Variants in ZGRF1 observed in about 807,000 individuals in gnomAD.
ZGRF1 encodes the protein zinc finger GRF-type containing 1.
Under a neutral mutation model 203.5 loss-of-function variants are expected in ZGRF1, and 196 were observed. The observed-to-expected ratio is 0.96, with a 90% CI of 0.86 to 1.08. The LOEUF is 1.08. Ranked by LOEUF, ZGRF1 falls within the 50% of genes least tolerant of loss-of-function variation. ZGRF1 has a pLI of 0.00. For missense variants in ZGRF1, 2,326 were observed against 2,416.3 expected (o/e 0.96, Z 0.78); for synonymous variants, 809 against 841.3 (o/e 0.96, Z 0.66).
chr4:112,615,586 T>C (rs1195592118), intron 6 of ZGRF1, among the ~76,000 whole-genome samples: 1 of 151,768 alleles, frequency 6.6e-6, no homozygotes, highest in African/African-American at 2.4e-5. Flanking sequence ...TTATATGGTA[T>C]CACATAACTT....
At position 112,619,189 on chromosome 4, in the gene ZGRF1, C is replaced by T. The variant is rs1040019198; in HGVS notation, c.853G>A (p.Gly285Arg). ...TEHFPQKQPQ[G>R]SLKIATKPKY... ...GGTTTAGTAGCAATTTTTAAACTTC[C>T]TTGTGGTTGTTTTTGAGGAAAATGC... The change falls in exon 6 of 28, where the codon GGA (glycine) becomes AGA (arginine). Residue 285 changes from glycine (G) to arginine (R), a missense_variant. Gly to Arg is a moderately radical substitution (Grantham distance 125). Transcript: ENST00000505019. 7 of 1,613,136 alleles carry T rather than the reference C, an allele frequency of 4.3e-6. No individual in the cohort carries two copies. The Admixed American group carries it at 5.0e-5, about 12-fold the overall frequency.
At chr4:112,623,344 A>G (rs1278626160) in intron 4 of ZGRF1, among the ~76,000 whole-genome samples, 5 of 152,326 alleles carry the variant, frequency 3.3e-5, no homozygotes, top group East Asian at 3.9e-4. Flanking sequence ...TTATGGTAGA[A>G]CAACTTATAT....
At chr4:112,559,752 A>AT (rs2148886526) in intron 19 of ZGRF1, among the ~76,000 whole-genome samples, 1 of 152,294 alleles carries the variant, frequency 6.6e-6, no homozygotes, top group African/African-American at 2.4e-5. Context: ...AGATTAAGAG[A>AT]TATATAACCT....
In ZGRF1 at chr4:112,559,748, A is replaced by T. The variant is rs1741591802; in HGVS notation, c.4960+985T>A. Among the ~76,000 whole-genome samples, 2 of 152,218 alleles carry T rather than the reference A, an allele frequency of 1.3e-5. 1 individual carries two copies. Among genetic ancestry groups the T allele is most frequent in the South Asian group, 4.1e-4 (2 of 4,828 alleles). ...TTGCAGAGTAGGAAATTAAAGATTA[A>T]GAGATATATAACCTGCCCAAAATCA... is the stretch of plus-strand genomic sequence containing the variant. On this transcript the variant is annotated intron_variant, in intron 19 of 27. Coordinates refer to ENST00000505019, the MANE Select transcript of ZGRF1 (RefSeq NM_018392.5).
At chr4:112,581,291 G>C (rs933141691) in intron 16 of ZGRF1, among the ~76,000 whole-genome samples, 1 of 104,708 alleles carries the variant, frequency 9.6e-6, no homozygotes, top group Non-Finnish European at 1.8e-5. Context: ...GGTGGGGGGA[G>C]GGGGGAGGGA....
intron 16 of ZGRF1, among the ~76,000 whole-genome samples, chr4:112,576,622 A>G (rs1041260031): frequency 6.6e-6 from 1 of 152,232 alleles, no homozygotes; most frequent in African/African-American, 2.4e-5. Context: ...CGAGAACTGC[A>G]TGATAAATGC....
rs1283762817 is a variant in ZGRF1, at chr4:112,586,428, A to C, written c.3916+17T>G. ...TGAAGCAGCAATCATGATACAATAA[A>C]AACACAACAGCCATACCTATGAGGC... On this transcript the variant is annotated intron_variant, in intron 13 of 27. Coordinates refer to ENST00000505019, the MANE Select transcript of ZGRF1 (RefSeq NM_018392.5). The C allele has an allele frequency of 6.3e-7, 1 of 1,588,356 alleles. No individual in the cohort carries two copies.
Position 112,541,254 on chromosome 4 carries a change from A to T in ZGRF1, c.5613T>A (p.Ile1871=). The T allele has an allele frequency of 3.2e-6, 5 of 1,562,862 alleles. No individual in the cohort carries two copies. The highest frequency in any genetic ancestry group is 4.4e-6 in the Non-Finnish European group (5 of 1,147,264). The change falls in exon 25 of 28, where the codon ATT becomes ATA. Residue 1871 remains isoleucine (I), a synonymous_variant. Coordinates refer to ENST00000505019, the MANE Select transcript of ZGRF1 (RefSeq NM_018392.5). ...DRLCLMGHKP[I]LLRTQYRCHP... ...GACAACGGTATTGAGTTCTCAATAGAATTGGCTTGTGACCCTAAGAAATTT... is the reference window on the plus strand; with the variant it reads ...GACAACGGTATTGAGTTCTCAATAGTATTGGCTTGTGACCCTAAGAAATTT...
chr4:112,584,568 A>G (rs1170606656), intron 14 of ZGRF1, among the ~76,000 whole-genome samples: 1 of 152,208 alleles, frequency 6.6e-6, no homozygotes, highest in African/African-American at 2.4e-5. Context: ...TTTTTTTTAC[A>G]CAAAACTCAG....
At chr4:112,586,133 T>C (rs1747143099) in intron 13 of ZGRF1, among the ~76,000 whole-genome samples, 1 of 151,690 alleles carries the variant, frequency 6.6e-6, no homozygotes, top group Non-Finnish European at 1.5e-5. Flanking sequence ...TCCAGCTACT[T>C]GGGAGGCTGA....
Position 112,585,734 on chromosome 4 carries a change from A to AG in ZGRF1, c.3917-10_3917-9insC. On this transcript the variant is annotated splice_polypyrimidine_tract_variant and intron_variant, in intron 13 of 27. Coordinates refer to ENST00000505019, the MANE Select transcript of ZGRF1 (RefSeq NM_018392.5). Reference sequence around the variant, plus strand: ...CAATATATTTAGATGTTCTACAAAAAAAAAAAAAAGAGAGCAGAAAATTAA... The same window carrying AG: ...CAATATATTTAGATGTTCTACAAAAAGAAAAAAAAAGAGAGCAGAAAATTAA... 1 of 1,538,060 alleles carries AG rather than the reference A, an allele frequency of 6.5e-7. No homozygotes were observed. The highest frequency in any genetic ancestry group is 8.7e-7 in the Non-Finnish European group (1 of 1,148,554).
intron 22 of ZGRF1, among the ~76,000 whole-genome samples, chr4:112,550,830 C>T (rs1560743214): frequency 6.6e-6 from 1 of 152,066 alleles, no homozygotes; most frequent in Non-Finnish European, 1.5e-5. Context: ...CCAGCCTGGA[C>T]AGAGCAAGAT....
At chr4:112,567,561 C>A (rs1053647478) in intron 16 of ZGRF1, among the ~76,000 whole-genome samples, 1 of 152,072 alleles carries the variant, frequency 6.6e-6, no homozygotes, top group Non-Finnish European at 1.5e-5. Context: ...TGCTTGAGCC[C>A]CAGAGTTTGA....
intron 21 of ZGRF1, among the ~76,000 whole-genome samples, chr4:112,554,379 C>T (rs868207774): frequency 6.6e-5 from 10 of 151,980 alleles, no homozygotes; most frequent in African/African-American, 1.7e-4. Context: ...ATCATGCACA[C>T]GTATGTTTAT....
chr4:112,550,106 G>A (rs1739639459), intron 22 of ZGRF1, among the ~76,000 whole-genome samples: 1 of 151,924 alleles, frequency 6.6e-6, no homozygotes, highest in African/African-American at 2.4e-5. Context: ...GCAGGAGAAT[G>A]GCGTGAACCC....
In ZGRF1 at chr4:112,547,334, G is replaced by A; in HGVS notation, c.5549C>T (p.Ala1850Val). 1 of 1,613,658 alleles carries A rather than the reference G, an allele frequency of 6.2e-7. No homozygotes were observed. Among genetic ancestry groups the A allele is most frequent in the Non-Finnish European group, 8.5e-7 (1 of 1,179,758 alleles). Residue 1850 changes from alanine to valine, a missense_variant, in exon 24 of 28, where the codon GCT (alanine) becomes GTT (valine). Ala to Val is a moderately conservative substitution (Grantham distance 64, BLOSUM62 0). Transcript: ENST00000505019. ...AGTTTGTTCCAATCCATTTTCATGA[G>A]CTGCATCAGAACCCTGAATAGTAGG... ...LPPTIQGSDAAHENGLEQTLF... is the reference protein window; with the variant it reads ...LPPTIQGSDAVHENGLEQTLF...
intron 1 of ZGRF1, among the ~76,000 whole-genome samples, chr4:112,633,447 T>G (rs1367469730): frequency 6.6e-6 from 1 of 152,192 alleles, no homozygotes; most frequent in African/African-American, 2.4e-5. Context: ...TTTTCATAAG[T>G]AAAGAAAAAA....
chr4:112,561,701 A>G lies in ZGRF1; in HGVS notation c.4697+670T>C, dbSNP rs187810743. On this transcript the variant is annotated intron_variant, in intron 18 of 27. Coordinates refer to ENST00000505019, the MANE Select transcript of ZGRF1 (RefSeq NM_018392.5). ...TGAGATATGGCTATATCGAGAATAAAATCAGTAGCAATATACACACTGGAT... is the reference window on the plus strand; with the variant it reads ...TGAGATATGGCTATATCGAGAATAAGATCAGTAGCAATATACACACTGGAT... Among the ~76,000 whole-genome samples the G allele has an allele frequency of 1.8e-3, 278 of 152,244 alleles. 1 individual carries two copies. The highest frequency in any genetic ancestry group is 1.9e-3 in the Non-Finnish European group (127 of 68,018).
intron 20 of ZGRF1, among the ~76,000 whole-genome samples, chr4:112,555,086 T>C (rs190650227): frequency 6.6e-6 from 1 of 152,274 alleles, no homozygotes; most frequent in African/African-American, 2.4e-5. Context: ...TAGAAAGCAA[T>C]AGCTATCATA....
Sources: allele counts gnomAD v4.1 joint callset (sites outside exome capture counted in the v4.1 genomes callset), GRCh38; gene constraint gnomAD v4.1.1; transcripts MANE v1.5; gene names NCBI Gene and HGNC (gene_info 2026-07-23, HGNC 2026-07-21).